The following CDH12 variants were observed in gnomAD, a reference collection of about 807,000 sequenced individuals.
The protein encoded by CDH12 is cadherin 12, also known as cadherin-12.
In CDH12, 41 loss-of-function variants were observed where a neutral mutation model predicts 74.1. That is an observed-to-expected ratio of 0.55 (90% CI 0.43 to 0.72). The LOEUF (loss-of-function observed/expected upper bound fraction) is 0.72, where lower values mean the gene tolerates loss of function less well. Ranked by LOEUF, CDH12 falls within the 30% of genes least tolerant of loss-of-function variation. CDH12 has a pLI of 0.00. For missense variants in CDH12, 945 were observed against 977.2 expected, an observed-to-expected ratio of 0.97 and a Z score of 0.44; for synonymous variants, 399 against 355.0, an observed-to-expected ratio of 1.12 and a Z score of -1.39.
intron 3 of CDH12, among the ~76,000 whole-genome samples, chr5:22,251,205 T>A (rs544665846): frequency 5.9e-5 from 9 of 152,098 alleles, no homozygotes; most frequent in Non-Finnish European, 1.2e-4. Context: ...GAGAGTTCAG[T>A]GGATGAGACT....
chr5:22,278,854 G>T (rs1013342839), intron 3 of CDH12, among the ~76,000 whole-genome samples: 18 of 152,054 alleles, frequency 1.2e-4, no homozygotes, highest in African/African-American at 4.3e-4. Flanking sequence ...CAAAATAAAT[G>T]AAAATAGCTA....
At chr5:22,360,713 G>A (rs1486011672) in intron 3 of CDH12, among the ~76,000 whole-genome samples, 3 of 152,072 alleles carry the variant, frequency 2.0e-5, no homozygotes, top group African/African-American at 4.8e-5. Context: ...CCAGCAGCAT[G>A]TCAAAAAGCT....
chr5:21,816,121 T>A (rs906151771), intron 9 of CDH12, among the ~76,000 whole-genome samples: 1 of 152,070 alleles, frequency 6.6e-6, no homozygotes, highest in African/African-American at 2.4e-5. Flanking sequence ...GGGCCACTTA[T>A]ATGTGGATTT....
chr5:22,127,532 G>A (rs1284521932), intron 4 of CDH12, among the ~76,000 whole-genome samples: 3 of 150,448 alleles, frequency 2.0e-5, no homozygotes, highest in Non-Finnish European at 4.4e-5. Context: ...AAATGGTAAG[G>A]AAAGAATAGG....
chr5:21,950,571 A>C (rs1486843659), intron 6 of CDH12, among the ~76,000 whole-genome samples: 1 of 151,602 alleles, frequency 6.6e-6, no homozygotes, highest in Non-Finnish European at 1.5e-5. Flanking sequence ...AAAACGAAAA[A>C]ACATGGCCAA....
At chr5:22,455,861 TA>T (rs1270598189) in intron 2 of CDH12, among the ~76,000 whole-genome samples, 2 of 152,092 alleles carry the variant, frequency 1.3e-5, no homozygotes, top group African/African-American at 4.8e-5. Context: ...AAAGAGATTT[TA>T]AAAGGAGTAA....
chr5:21,980,182 CAT>C lies in CDH12; in HGVS notation c.232-4799_232-4798del, dbSNP rs370738806. Among the ~76,000 whole-genome samples, 156 of 145,082 alleles carry C rather than the reference CAT, an allele frequency of 1.1e-3. 1 individual carries two copies. Among genetic ancestry groups the C allele is most frequent in the Middle Eastern group, 3.6e-3 (1 of 274 alleles). On this transcript the variant is annotated intron_variant, in intron 5 of 14. Coordinates refer to ENST00000382254, the MANE Select transcript of CDH12 (RefSeq NM_004061.5). ...AAAACATACATACATATATGTATGG[CAT>C]ATATATATATATATGCTATAGAAAT... is the stretch of plus-strand genomic sequence containing the variant.
intron 8 of CDH12, among the ~76,000 whole-genome samples, chr5:21,837,511 A>C (rs1398554474): frequency 6.6e-6 from 1 of 151,746 alleles, no homozygotes; most frequent in East Asian, 1.9e-4. Flanking sequence ...AGTCACGAAC[A>C]AATATAGTTA....
chr5:22,671,252 G>T (rs1007084096), intron 1 of CDH12, among the ~76,000 whole-genome samples: 3 of 151,986 alleles, frequency 2.0e-5, no homozygotes, highest in African/African-American at 7.2e-5. Context: ...TTATCTCTTT[G>T]CTCTGTGTGT....
At chr5:21,844,192 T>C (rs557966328) in intron 7 of CDH12, among the ~76,000 whole-genome samples, 2 of 152,238 alleles carry the variant, frequency 1.3e-5, no homozygotes, top group East Asian at 3.9e-4. Flanking sequence ...GATGATGCAA[T>C]CATTTTTTGC....
chr5:21,900,462 TATATC>T (rs1183300711), intron 6 of CDH12, among the ~76,000 whole-genome samples: 2 of 152,236 alleles, frequency 1.3e-5, no homozygotes, highest in Non-Finnish European at 2.9e-5. Context: ...CACATCATCT[TATATC>T]ATGTTATATT....
At chr5:22,331,622 A>G (rs1739356229) in intron 3 of CDH12, among the ~76,000 whole-genome samples, 1 of 152,236 alleles carries the variant, frequency 6.6e-6, no homozygotes, top group African/African-American at 2.4e-5. Context: ...ACAAGCATCA[A>G]CACTATCCAG....
At chr5:22,408,288 G>A (rs1195927104) in intron 2 of CDH12, among the ~76,000 whole-genome samples, 1 of 150,596 alleles carries the variant, frequency 6.6e-6, no homozygotes, top group Admixed American at 6.6e-5. Context: ...AGGGGTGGGG[G>A]TTATTGAAAT....
intron 1 of CDH12, among the ~76,000 whole-genome samples, chr5:22,785,792 A>C (rs1169998903): frequency 2.0e-5 from 3 of 152,130 alleles, no homozygotes; most frequent in Non-Finnish European, 4.4e-5. Context: ...TTCTGGGATT[A>C]CAGTTGTATG....
chr5:22,523,288 T>C (rs1314917938), intron 1 of CDH12, among the ~76,000 whole-genome samples: 3 of 152,178 alleles, frequency 2.0e-5, no homozygotes, highest in Non-Finnish European at 2.9e-5. Flanking sequence ...TATATTCAAA[T>C]GTTATGCAAA....
At chr5:22,340,246 G>A (rs1450222995) in intron 3 of CDH12, among the ~76,000 whole-genome samples, 1 of 152,264 alleles carries the variant, frequency 6.6e-6, no homozygotes, top group South Asian at 2.1e-4. Flanking sequence ...AAAATTCTGG[G>A]CTGGGTGCCG....
rs1423591339 is a variant in CDH12, at chr5:21,996,120, T to G, written c.232-20735A>C. Among the ~76,000 whole-genome samples the G allele has an allele frequency of 7.1e-4, 60 of 83,962 alleles. 1 individual carries two copies. The African/African-American group carries it at 7.6e-3, about 11-fold the overall frequency. The allele number at this position is 83,962 out of a possible 152,430, so 55.1% of individuals were successfully genotyped here. A position where few individuals can be genotyped will look rare whatever the true frequency, so the allele number is the denominator to read the frequency against. On this transcript the variant is annotated intron_variant, in intron 5 of 14. Coordinates refer to ENST00000382254, the MANE Select transcript of CDH12 (RefSeq NM_004061.5). ...TCACACACACGTTTTTTTTTTTTTT[T>G]TTTTTTTTTTTTCCAATGCCTGCTT...
chr5:22,275,256 C>T (rs1293168875), intron 3 of CDH12, among the ~76,000 whole-genome samples: 1 of 151,598 alleles, frequency 6.6e-6, no homozygotes, highest in South Asian at 2.1e-4. Context: ...ACCAAACCTG[C>T]ACGTTCTGCA....
intron 6 of CDH12, among the ~76,000 whole-genome samples, chr5:21,948,988 A>C (rs1460485512): frequency 2.0e-5 from 3 of 152,022 alleles, no homozygotes; most frequent in Middle Eastern, 3.4e-3. Context: ...TGTAAGTTCC[A>C]TGAGGCCTCC....
Sources: allele counts gnomAD v4.1 joint callset (sites outside exome capture counted in the v4.1 genomes callset), GRCh38; gene constraint gnomAD v4.1.1; transcripts MANE v1.5; gene names NCBI Gene and HGNC (gene_info 2026-07-23, HGNC 2026-07-21).